PPM1D: variants seen among roughly 807,000 people sequenced by gnomAD.
PPM1D encodes the protein protein phosphatase 1D.
A neutral mutation model predicts 58.3 loss-of-function variants in PPM1D; 52 were observed. The ratio of observed to expected loss-of-function variants is 0.89; its 90% confidence interval spans 0.71 to 1.12. The LOEUF is 1.12. Among genes scored for constraint, PPM1D ranks in the 50% most tolerant of loss-of-function variants. PPM1D has a pLI of 0.00. For synonymous variants in PPM1D, 278 were observed against 285.1 expected, an observed-to-expected ratio of 0.98 and a Z score of 0.25; for missense variants, 564 against 777.2, an observed-to-expected ratio of 0.73 and a Z score of 3.26.
At chr17:60,643,216 G>GA (rs1261162132) in intron 3 of PPM1D, among the ~76,000 whole-genome samples, 1 of 151,684 alleles carries the variant, frequency 6.6e-6, no homozygotes, top group Non-Finnish European at 1.5e-5. Flanking sequence ...CCCATCTGTA[G>GA]AAAAAAATAC....
chr17:60,622,107 G>C (rs1422277658), intron 1 of PPM1D, among the ~76,000 whole-genome samples: 2 of 150,704 alleles, frequency 1.3e-5, no homozygotes. Flanking sequence ...GAAGAATGGC[G>C]TGAACCTGGG....
chr17:60,623,581 T>C lies in PPM1D; in HGVS notation c.533T>C (p.Val178Ala). ...PSTSGTTASV[V>A]IIRGMKMYVA... ...ACATCAGGGACAACTGCCAGTGTGG[T>C]CATCATTCGGGGCATGAAGATGTAT... The change falls in exon 2 of 6, where the codon GTC (valine) becomes GCC (alanine). Residue 178 changes from valine to alanine, a missense_variant. By Grantham distance (64) the Val-to-Ala change is moderately conservative. Transcript: ENST00000305921. The C allele has an allele frequency of 6.2e-7, 1 of 1,614,044 alleles. No individual in the cohort carries two copies. The highest frequency in any genetic ancestry group is 2.2e-5 in the East Asian group (1 of 44,870).
intron 5 of PPM1D, among the ~76,000 whole-genome samples, chr17:60,659,296 G>A (rs1461783691): frequency 6.6e-6 from 1 of 152,146 alleles, no homozygotes; most frequent in African/African-American, 2.4e-5. Flanking sequence ...ATTATAATGT[G>A]GTTAATGTTG....
chr17:60,629,858 C>G (rs932844407), intron 2 of PPM1D, among the ~76,000 whole-genome samples: 2 of 151,862 alleles, frequency 1.3e-5, no homozygotes, highest in Non-Finnish European at 2.9e-5. Context: ...GCCAACATGG[C>G]GAAACCCTAT....
At chr17:60,607,889 T>TG (rs2143623514) in intron 1 of PPM1D, among the ~76,000 whole-genome samples, 1 of 152,360 alleles carries the variant, frequency 6.6e-6, no homozygotes, top group East Asian at 1.9e-4. Context: ...TAAAAGAGTA[T>TG]GACCAAGGAA....
At chr17:60,614,809 GAAGCCAGC>G (rs2030547807) in intron 1 of PPM1D, among the ~76,000 whole-genome samples, 2 of 152,122 alleles carry the variant, frequency 1.3e-5, no homozygotes, top group African/African-American at 4.8e-5. Context: ...CTTCATTCCT[GAAGCCAGC>G]GAGACCACGA....
chr17:60,639,653 G>C (rs898203393), intron 3 of PPM1D, among the ~76,000 whole-genome samples: 1 of 152,148 alleles, frequency 6.6e-6, no homozygotes, highest in East Asian at 1.9e-4. Context: ...GGCCAGGCTG[G>C]TCTCGAACTC....
intron 3 of PPM1D, among the ~76,000 whole-genome samples, chr17:60,636,561 C>T (rs1446992790): frequency 6.6e-6 from 1 of 152,090 alleles, no homozygotes; most frequent in Non-Finnish European, 1.5e-5. Flanking sequence ...ATGGGATGGT[C>T]AGAGGAGGGT....
intron 1 of PPM1D, among the ~76,000 whole-genome samples, chr17:60,615,101 G>C (rs2030555172): frequency 6.6e-6 from 1 of 152,074 alleles, no homozygotes; most frequent in South Asian, 2.1e-4. Context: ...TCTTGCTTAA[G>C]AAAATTTTCC....
In PPM1D at chr17:60,663,206, A is replaced by G; in HGVS notation, c.1472A>G (p.Asn491Ser). The G allele has an allele frequency of 6.2e-7, 1 of 1,614,194 alleles. No homozygotes were observed. The highest frequency in any genetic ancestry group is 8.5e-7 in the Non-Finnish European group (1 of 1,180,016). ...ALTLRIHDSL[N>S]NSLPIGLVPT... ...ACTTTAAGGATACATGATTCTTTGAATAATAGCCTTCCAATTGGCCTTGTG... is the reference window on the plus strand; with the variant it reads ...ACTTTAAGGATACATGATTCTTTGAGTAATAGCCTTCCAATTGGCCTTGTG... The change falls in exon 6 of 6, where the codon AAT (asparagine) becomes AGT (serine). Residue 491 changes from asparagine to serine, a missense_variant. By Grantham distance (46) the Asn-to-Ser change is conservative. This residue lies in a region of PPM1D where 261 missense variants were observed against 270.1 expected (regional missense o/e 0.97). Coordinates refer to ENST00000305921, the MANE Select transcript of PPM1D (RefSeq NM_003620.4).
At chr17:60,640,644 A>G (rs1486787569) in intron 3 of PPM1D, among the ~76,000 whole-genome samples, 1 of 152,164 alleles carries the variant, frequency 6.6e-6, no homozygotes, top group Non-Finnish European at 1.5e-5. Flanking sequence ...TCATCCAGGT[A>G]GGGAGCATAG....
At chr17:60,641,432 GTTAT>G (rs1384033335) in intron 3 of PPM1D, among the ~76,000 whole-genome samples, 9 of 152,260 alleles carry the variant, frequency 5.9e-5, no homozygotes, top group South Asian at 4.1e-4. Flanking sequence ...TTCTAATGGG[GTTAT>G]TTGTTTTTAA....
Position 60,663,367 on chromosome 17 carries a change from C to CG in PPM1D, c.1633_1634insG (p.Pro545ArgfsTer7). On this transcript the variant is annotated frameshift_variant, in exon 6 of 6. Coordinates refer to ENST00000305921, the MANE Select transcript of PPM1D (RefSeq NM_003620.4). LOFTEE classifies it high-confidence loss of function. ...GACATTAGAAGAGTCCAATTCTGGC[C>CG]CCCTGATGAAGAAGCATAGACGAAA... 6.2e-7 allele frequency: 1 copy of CG among 1,614,080 alleles called. No individual in the cohort carries two copies. The highest frequency in any genetic ancestry group is 8.5e-7 in the Non-Finnish European group (1 of 1,180,014).
chr17:60,643,502 G>A (rs193053843), intron 3 of PPM1D, among the ~76,000 whole-genome samples: 49 of 152,230 alleles, frequency 3.2e-4, no homozygotes, highest in African/African-American at 1.1e-3. Context: ...GTTTATAACC[G>A]TTATAATAAT....
At chr17:60,635,310 G>A (rs917584992) in intron 3 of PPM1D, among the ~76,000 whole-genome samples, 3 of 151,730 alleles carry the variant, frequency 2.0e-5, no homozygotes, top group Non-Finnish European at 4.4e-5. Context: ...CTGCCTCCTG[G>A]GTTCAAGCGA....
At chr17:60,641,373 G>C (rs764068203) in intron 3 of PPM1D, among the ~76,000 whole-genome samples, 8 of 152,058 alleles carry the variant, frequency 5.3e-5, no homozygotes, top group Admixed American at 6.6e-5. Context: ...TATGATTCTT[G>C]GCCGTTTGCA....
chr17:60,658,044 T>C lies in PPM1D; in HGVS notation c.1260+1203T>C, dbSNP rs533461661. Among the ~76,000 whole-genome samples the C allele has an allele frequency of 1.8e-3, 274 of 152,326 alleles. 1 individual carries two copies. Among genetic ancestry groups the C allele is most frequent in the African/African-American group, 6.0e-3 (251 of 41,578 alleles). Reference sequence around the variant, plus strand: ...GCCTGGCTGAAATGAAGTATTTTCATTCACAAAAGGTTTCTTTTCTTTGAA... The same window carrying C: ...GCCTGGCTGAAATGAAGTATTTTCACTCACAAAAGGTTTCTTTTCTTTGAA... On this transcript the variant is annotated intron_variant, in intron 5 of 5. Transcript: ENST00000305921.
At chr17:60,639,444 C>T (rs148116054) in intron 3 of PPM1D, among the ~76,000 whole-genome samples, 107 of 142,744 alleles carry the variant, frequency 7.5e-4, no homozygotes, top group African/African-American at 2.7e-3. Context: ...TCTTCTTCTT[C>T]TTTTTTTTTT....
chr17:60,663,545 T>C lies in PPM1D; in HGVS notation c.1811T>C (p.Val604Ala). ...LLHQHRKTVC[V>A]C ...CATCAACACAGGAAAACTGTTTGTG[T>C]TTGCTGAAATGCATCTGGGAAATGA... is the stretch of plus-strand genomic sequence containing the variant. Residue 604 changes from valine (V) to alanine (A), a missense_variant, in exon 6 of 6, where the codon GTT becomes GCT. Transcript: ENST00000305921. 10 of 1,605,192 alleles carry C rather than the reference T, an allele frequency of 6.2e-6. No homozygotes were observed. Among genetic ancestry groups the C allele is most frequent in the Non-Finnish European group, 8.5e-6 (10 of 1,178,068 alleles).
Sources: gnomAD v4.1 joint callset for allele counts (sites outside exome capture counted in the v4.1 genomes callset) on GRCh38, gnomAD v4.1.1 for gene constraint, gnomAD v4.1.1 regional missense constraint, MANE v1.5 for transcripts, NCBI Gene and HGNC (gene_info 2026-07-23, HGNC 2026-07-21) for gene names.